SLC7A6: variants seen among roughly 807,000 people sequenced by gnomAD.
The protein encoded by SLC7A6 is solute carrier family 7 member 6, also known as Y+L amino acid transporter 2.
A neutral mutation model predicts 46.6 loss-of-function variants in SLC7A6; 29 were observed. That is an observed-to-expected ratio of 0.62 (90% confidence interval 0.46 to 0.85). SLC7A6 has a LOEUF of 0.85. Among genes scored for constraint, SLC7A6 ranks in the 40% least tolerant of loss-of-function variants. The probability of loss-of-function intolerance (pLI) is 0.00; values close to 1 mark genes in which losing one functional copy is unlikely to be tolerated. For missense variants in SLC7A6, 527 were observed against 647.6 expected (o/e 0.81, Z 2.02); for synonymous variants, 276 against 257.3 (o/e 1.07, Z -0.70).
chr16:68,279,539 CTTTTA>C (rs2042791151), intron 3 of SLC7A6, among the ~76,000 whole-genome samples: 1 of 151,434 alleles, frequency 6.6e-6, no homozygotes, highest in Admixed American at 6.6e-5. Flanking sequence ...TCGATTTTCT[CTTTTA>C]TTTTTATTTT....
intron 2 of SLC7A6, among the ~76,000 whole-genome samples, chr16:68,270,490 G>A (rs746172539): frequency 6.6e-6 from 1 of 152,128 alleles, no homozygotes; most frequent in Non-Finnish European, 1.5e-5. Flanking sequence ...TACCAAGAGC[G>A]GTTTTCTCAG....
chr16:68,275,946 G>GA (rs55651156), intron 3 of SLC7A6, among the ~76,000 whole-genome samples: 16,242 of 147,892 alleles, frequency 0.11, 949 homozygotes, highest in South Asian at 0.23. Flanking sequence ...GTTGCTAAAG[G>GA]AAAAAAAAAA....
Position 68,300,309 on chromosome 16 carries a change from T to G in SLC7A6, c.*2981T>G, listed in dbSNP as rs1322962277. The G allele has an allele frequency of 1.3e-5, 2 of 152,274 alleles. No homozygotes were observed. Among genetic ancestry groups the G allele is most frequent in the Non-Finnish European group, 2.9e-5 (2 of 68,074 alleles). The allele number at this position is 152,274 out of a possible 1,614,324, so 9.4% of individuals were successfully genotyped here. ...TGCAGATAGTTCTACTGGACAATGT[T>G]ACGCTAGAATAAACACCAAGGCAGT... is the stretch of plus-strand genomic sequence containing the variant. On this transcript the variant is annotated 3_prime_UTR_variant, in exon 11 of 11. Coordinates refer to ENST00000219343, the MANE Select transcript of SLC7A6 (RefSeq NM_003983.6).
chr16:68,279,350 T>A (rs879635068), intron 3 of SLC7A6, among the ~76,000 whole-genome samples: 2 of 151,954 alleles, frequency 1.3e-5, no homozygotes, highest in African/African-American at 4.8e-5. Flanking sequence ...TCAAAAAAAA[T>A]TTCATATTTA....
Position 68,287,760 on chromosome 16 carries a change from G to A in SLC7A6, c.538G>A (p.Val180Met), listed in dbSNP as rs369415932. Residue 180 changes from valine (V) to methionine (M), a missense_variant, in exon 4 of 11, where the codon GTG (valine) becomes ATG (methionine). Coordinates refer to ENST00000219343, the MANE Select transcript of SLC7A6 (RefSeq NM_003983.6). Reference protein sequence around the residue: ...AAACICLLTFVNCAYVKWGTR... With the variant: ...AAACICLLTFMNCAYVKWGTR... Reference sequence around the variant, plus strand: ...TTTCCTCCTAGGTCTGCTGACATTTGTGAACTGTGCCTATGTCAAGTGGGG... The same window carrying A: ...TTTCCTCCTAGGTCTGCTGACATTTATGAACTGTGCCTATGTCAAGTGGGG... The A allele has an allele frequency of 1.2e-6, 2 of 1,613,812 alleles. No individual in the cohort carries two copies. The highest frequency in any genetic ancestry group is 1.7e-6 in the Non-Finnish European group (2 of 1,179,802).
At position 68,296,617 on chromosome 16, in the gene SLC7A6, T is replaced by C. The variant is rs979859109; in HGVS notation, c.1270-10T>C. The C allele has an allele frequency of 1.9e-6, 3 of 1,614,116 alleles. No homozygotes were observed. Among genetic ancestry groups the C allele is most frequent in the Non-Finnish European group, 2.5e-6 (3 of 1,179,978 alleles). On this transcript the variant is annotated splice_polypyrimidine_tract_variant and intron_variant, in intron 9 of 10. Transcript: ENST00000219343. The stretch of plus-strand genomic sequence containing the variant: ...CCACGTTACTTAATCTCTCACCCCC[T>C]CTATTTCAGCTGAGCGTGTTTTTCC...
At chr16:68,284,282 G>C (rs77151487) in intron 3 of SLC7A6, 2 of 152,098 alleles carry the variant, frequency 1.3e-5, no homozygotes, top group East Asian at 3.8e-4. Flanking sequence ...TCTTTGCGTC[G>C]TTCCAATTTT....
chr16:68,299,890 T>G lies in SLC7A6; in HGVS notation c.*2562T>G, dbSNP rs920893638. On this transcript the variant is annotated 3_prime_UTR_variant, in exon 11 of 11. Transcript: ENST00000219343. The stretch of plus-strand genomic sequence containing the variant: ...ACAGAATTTAATCACTTCGGCAGGT[T>G]GAACAACTCCATGTAGATAAGAGCA... The G allele has an allele frequency of 6.6e-6, 1 of 152,210 alleles. No individual in the cohort carries two copies. The highest frequency in any genetic ancestry group is 2.4e-5 in the African/African-American group (1 of 41,442). 9.4% of individuals were successfully genotyped at this position (152,210 alleles called of 1,614,324 possible).
chr16:68,292,886 T>A lies in SLC7A6; in HGVS notation c.1022+1225T>A, dbSNP rs779689189. On this transcript the variant is annotated intron_variant, in intron 7 of 10. Coordinates refer to ENST00000219343, the MANE Select transcript of SLC7A6 (RefSeq NM_003983.6). ...CATGGCTTCTATGACATAAGATACA[T>A]GAGAAGAAAATTTCTTTCCTGATTT... is the stretch of plus-strand genomic sequence containing the variant. The A allele has an allele frequency of 3.9e-5, 6 of 152,348 alleles. No individual in the cohort carries two copies. The South Asian group carries it at 1.2e-3, about 32-fold the overall frequency. 9.4% of individuals were successfully genotyped at this position (152,348 alleles called of 1,614,324 possible).
At chr16:68,267,948 G>A (rs1430345284) in intron 2 of SLC7A6, among the ~76,000 whole-genome samples, 1 of 152,170 alleles carries the variant, frequency 6.6e-6, no homozygotes, top group Non-Finnish European at 1.5e-5. Flanking sequence ...GGGAGCTTCC[G>A]GATAGCTGGA....
chr16:68,282,076 C>T (rs2042838211), intron 3 of SLC7A6, among the ~76,000 whole-genome samples: 1 of 152,286 alleles, frequency 6.6e-6, no homozygotes, highest in African/African-American at 2.4e-5. Flanking sequence ...CTCTCTTGGA[C>T]CCAGGCCTGG....
Position 68,301,231 on chromosome 16 carries a change from C to T in SLC7A6, c.*3903C>T. The T allele has an allele frequency of 1.9e-6, 3 of 1,592,708 alleles. No individual in the cohort carries two copies. The highest frequency in any genetic ancestry group is 2.6e-6 in the Non-Finnish European group (3 of 1,166,828). ...AGGGCAGTTAACTCTGGACTCAGAG[C>T]CCTCAAGGGCATGTGGCAGAACCTC... On this transcript the variant is annotated 3_prime_UTR_variant, in exon 11 of 11. Transcript: ENST00000219343.
At chr16:68,288,446 G>T (rs1293489133) in intron 4 of SLC7A6, among the ~76,000 whole-genome samples, 1 of 152,184 alleles carries the variant, frequency 6.6e-6, no homozygotes, top group Non-Finnish European at 1.5e-5. Flanking sequence ...TCCTGGATCA[G>T]AGAGGACTGG....
chr16:68,277,925 C>CTAT (rs34693926), intron 3 of SLC7A6, among the ~76,000 whole-genome samples: 85,583 of 147,840 alleles, frequency 0.58, 25,180 homozygotes, highest in East Asian at 0.81. Context: ...CATGCCTGGC[C>CTAT]TATTATTATT....
In SLC7A6 at chr16:68,274,782, C is replaced by A; in HGVS notation, c.56C>A (p.Thr19Asn). Residue 19 changes from threonine to asparagine, a missense_variant, in exon 3 of 11, where the codon ACC becomes AAC. By Grantham distance (65) the Thr-to-Asn change is moderately conservative. Coordinates refer to ENST00000219343, the MANE Select transcript of SLC7A6 (RefSeq NM_003983.6). Reference protein sequence around the residue: ...PTPTYHLVPNTSQSQVEEDVS... With the variant: ...PTPTYHLVPNNSQSQVEEDVS... ...CCCACCTACCATCTTGTCCCTAACA[C>A]CAGCCAGTCCCAGGTGGAAGAAGAT... 1.2e-6 allele frequency: 2 copies of A among 1,614,224 alleles called. No individual in the cohort carries two copies. The highest frequency in any genetic ancestry group is 1.7e-6 in the Non-Finnish European group (2 of 1,180,036).
intron 1 of SLC7A6, among the ~76,000 whole-genome samples, chr16:68,266,288 C>T (rs1292602846): frequency 1.3e-5 from 2 of 151,914 alleles, no homozygotes; most frequent in Non-Finnish European, 2.9e-5. Flanking sequence ...GTTATGTAAA[C>T]GGTGCCCACG....
chr16:68,296,753 T>C lies in SLC7A6; in HGVS notation c.1396T>C (p.Phe466Leu). Residue 466 changes from phenylalanine to leucine, a missense_variant, in exon 10 of 11, where the codon TTC (phenylalanine) becomes CTC (leucine). Phe to Leu is a conservative substitution (Grantham distance 22). Coordinates refer to ENST00000219343, the MANE Select transcript of SLC7A6 (RefSeq NM_003983.6). ...TGCCCTTTCTGGAGTCCCTTTCTACTTCATGGGTGTTTACCTGCCAGAGTC... is the reference window on the plus strand; with the variant it reads ...TGCCCTTTCTGGAGTCCCTTTCTACCTCATGGGTGTTTACCTGCCAGAGTC... The part of the protein sequence containing the change: ...GIALSGVPFY[F>L]MGVYLPESRR... The C allele has an allele frequency of 1.2e-6, 2 of 1,614,194 alleles. No homozygotes were observed. Among genetic ancestry groups the C allele is most frequent in the East Asian group, 2.2e-5 (1 of 44,886 alleles).
chr16:68,277,288 T>C (rs2042729423), intron 3 of SLC7A6, among the ~76,000 whole-genome samples: 1 of 143,368 alleles, frequency 7.0e-6, no homozygotes, highest in Non-Finnish European at 1.5e-5. Flanking sequence ...GGTTTCACCA[T>C]GTTGGTCAAG....
At chr16:68,287,990 G>C (rs2042973747) in intron 4 of SLC7A6, 119 bp downstream of exon 4, 2 of 1,389,198 alleles carry the variant, frequency 1.4e-6, no homozygotes, top group Admixed American at 2.5e-5. Context: ...ATGTGTCAGT[G>C]AGTGCAAGAG....
Sources: gnomAD v4.1 joint callset for allele counts (sites outside exome capture counted in the v4.1 genomes callset) on GRCh38, gnomAD v4.1.1 for gene constraint, MANE v1.5 for transcripts, NCBI Gene and HGNC (gene_info 2026-07-23, HGNC 2026-07-21) for gene names.